The following CSTPP1 variants were observed in gnomAD, a reference collection of about 807,000 sequenced individuals.
CSTPP1 encodes the protein centriolar satellite-associated tubulin polyglutamylase complex regulator 1, also known as UPF0705 protein C11orf49.
the CSTPP1 span, among the ~76,000 whole-genome samples, chr11:46,976,170 C>A: frequency 6.6e-6 from 1 of 152,122 alleles, no homozygotes; most frequent in Non-Finnish European, 1.5e-5. Context: ...TTAGGGTGTT[C>A]TTGAATGCTC....
At chr11:47,148,200 G>A in the CSTPP1 span, among the ~76,000 whole-genome samples, 1 of 152,218 alleles carries the variant, frequency 6.6e-6, no homozygotes, top group South Asian at 2.1e-4. Context: ...TCGTGTCATC[G>A]CTGCTTCTCT....
At chr11:47,054,928 ATTTTTTT>A in the CSTPP1 span, among the ~76,000 whole-genome samples, 28 of 68,784 alleles carry the variant, frequency 4.1e-4, no homozygotes, top group East Asian at 8.9e-3. Flanking sequence ...ATAAATTTCA[ATTTTTTT>A]TTTTTTTTTT....
At chr11:46,950,541 A>G in the CSTPP1 span, among the ~76,000 whole-genome samples, 1 of 152,088 alleles carries the variant, frequency 6.6e-6, no homozygotes, top group Non-Finnish European at 1.5e-5. Flanking sequence ...TTTTTAATAC[A>G]GAGATAATAT....
the CSTPP1 span, among the ~76,000 whole-genome samples, chr11:46,962,494 G>T: frequency 6.6e-6 from 1 of 152,150 alleles, no homozygotes; most frequent in Non-Finnish European, 1.5e-5. Context: ...TTTTGATAGG[G>T]ATTGTATTGA....
the CSTPP1 span, among the ~76,000 whole-genome samples, chr11:46,950,176 CTTTTT>C: frequency 1.5e-5 from 2 of 136,318 alleles, no homozygotes; most frequent in Admixed American, 1.5e-4. Flanking sequence ...TTTTTCTTTT[CTTTTT>C]TTTTTTTTTT....
chr11:47,040,827 C>T, the CSTPP1 span, among the ~76,000 whole-genome samples: 1 of 127,156 alleles, frequency 7.9e-6, no homozygotes, highest in Non-Finnish European at 1.9e-5. Flanking sequence ...ACACATTCAT[C>T]TTAGACCACA....
At chr11:47,064,367 G>A in the CSTPP1 span, among the ~76,000 whole-genome samples, 1 of 151,874 alleles carries the variant, frequency 6.6e-6, no homozygotes, top group Admixed American at 6.6e-5. Context: ...TGTGTTTTTG[G>A]TGTTATATCT....
chr11:46,984,097 C>A, the CSTPP1 span, among the ~76,000 whole-genome samples: 1 of 152,164 alleles, frequency 6.6e-6, no homozygotes, highest in Non-Finnish European at 1.5e-5. Context: ...CCCAAATGGA[C>A]CATATCTCTC....
chr11:46,986,170 T>C, the CSTPP1 span, among the ~76,000 whole-genome samples: 1 of 152,184 alleles, frequency 6.6e-6, no homozygotes, highest in East Asian at 1.9e-4. Context: ...AGGTGTAGAC[T>C]AAGTAACTAT....
At chr11:47,051,760 C>A in the CSTPP1 span, among the ~76,000 whole-genome samples, 5 of 147,340 alleles carry the variant, frequency 3.4e-5, no homozygotes, top group Non-Finnish European at 1.5e-5. Flanking sequence ...GGCATGATCT[C>A]GGCTCACTGC....
At chr11:46,959,931 AT>A in the CSTPP1 span, among the ~76,000 whole-genome samples, 1 of 144,980 alleles carries the variant, frequency 6.9e-6, no homozygotes, top group African/African-American at 2.6e-5. Flanking sequence ...CAATGGTGCG[AT>A]TTCGGCTCAC....
At chr11:46,945,350 C>T in the CSTPP1 span, among the ~76,000 whole-genome samples, 3 of 152,274 alleles carry the variant, frequency 2.0e-5, no homozygotes, top group African/African-American at 4.8e-5. Flanking sequence ...TGCGGTGGCT[C>T]ATGCCTGTAA....
chr11:47,118,671 T>C, the CSTPP1 span, among the ~76,000 whole-genome samples: 1 of 152,222 alleles, frequency 6.6e-6, no homozygotes, highest in Admixed American at 6.5e-5. Flanking sequence ...TTGATGCTAT[T>C]CCTTTCTGTT....
chr11:47,009,709 A>G, the CSTPP1 span, among the ~76,000 whole-genome samples: 1 of 152,108 alleles, frequency 6.6e-6, no homozygotes, highest in African/African-American at 2.4e-5. Flanking sequence ...AGGCAGAAGA[A>G]TTGCTTGAAC....
At chr11:47,161,819 G>T in the CSTPP1 span, 3 of 1,402,134 alleles carry the variant, frequency 2.1e-6, no homozygotes, top group South Asian at 3.3e-5. Context: ...GCCCCGGAAG[G>T]TGAATGGCCT....
chr11:47,078,953 C>T, the CSTPP1 span, among the ~76,000 whole-genome samples: 1 of 152,174 alleles, frequency 6.6e-6, no homozygotes, highest in Non-Finnish European at 1.5e-5. Flanking sequence ...GGACTTCCCT[C>T]AAGAACGTTC....
chr11:47,090,843 T>C, the CSTPP1 span, among the ~76,000 whole-genome samples: 26 of 151,240 alleles, frequency 1.7e-4, no homozygotes, highest in Admixed American at 1.5e-3. Flanking sequence ...ATCGAGACCA[T>C]CCTGGCTAAC....
chr11:47,121,030 C>T, the CSTPP1 span, among the ~76,000 whole-genome samples: 2 of 152,130 alleles, frequency 1.3e-5, no homozygotes, highest in Admixed American at 1.3e-4. Flanking sequence ...CCTTCCCTGC[C>T]ATCTTATGTA....
At chr11:47,141,958 A>AT in the CSTPP1 span, among the ~76,000 whole-genome samples, 2 of 140,212 alleles carry the variant, frequency 1.4e-5, no homozygotes, top group Non-Finnish European at 3.1e-5. Flanking sequence ...AAAAAAAAAA[A>AT]CCACGACCAG....
Sources: allele counts gnomAD v4.1 joint callset (sites outside exome capture counted in the v4.1 genomes callset), GRCh38; gene constraint gnomAD v4.1.1; transcripts MANE v1.5; gene names NCBI Gene and HGNC (gene_info 2026-07-23, HGNC 2026-07-21).